SPOPL: variants seen among roughly 807,000 people sequenced by gnomAD.
SPOPL encodes speckle type BTB/POZ protein like, also known as speckle-type POZ protein-like.
SPOPL carries 23 observed loss-of-function variants against 53.8 expected under a neutral mutation model. The observed-to-expected ratio is 0.43, with a 90% CI of 0.31 to 0.61. The LOEUF (loss-of-function observed/expected upper bound fraction) is 0.61. Among genes scored for constraint, SPOPL ranks in the 20% least tolerant of loss-of-function variants. SPOPL has a pLI of 0.12. For synonymous variants in SPOPL, 164 were observed against 149.7 expected, an observed-to-expected ratio of 1.10 and a Z score of -0.70; for missense variants, 442 against 466.9, an observed-to-expected ratio of 0.95 and a Z score of 0.49.
At position 138,515,746 on chromosome 2, in the gene SPOPL, T is replaced by TA. The variant is rs565279072; in HGVS notation, c.-61+13628dup. On this transcript the variant is annotated intron_variant, in intron 1 of 10. Coordinates refer to ENST00000280098, the MANE Select transcript of SPOPL (RefSeq NM_001001664.3). ...TATTTGTTGATTTCTTCTTTTAAGA[T>TA]ATGCACATCGACTCTTAACTCCAGA... 6.6e-4 allele frequency among the ~76,000 whole-genome samples: 101 copies of TA among 152,336 alleles called. 1 individual carries two copies. Among genetic ancestry groups the TA allele is most frequent in the African/African-American group, 2.1e-3 (86 of 41,562 alleles).
At chr2:138,536,823 A>G (rs1468587446) in intron 1 of SPOPL, among the ~76,000 whole-genome samples, 1 of 152,184 alleles carries the variant, frequency 6.6e-6, no homozygotes, top group Non-Finnish European at 1.5e-5. Flanking sequence ...AGTCTGCTTT[A>G]TGGTCCACTT....
intron 1 of SPOPL, among the ~76,000 whole-genome samples, chr2:138,517,450 A>G (rs1684462381): frequency 6.6e-6 from 1 of 152,136 alleles, no homozygotes; most frequent in African/African-American, 2.4e-5. Context: ...TTTTAAGTAA[A>G]ATATTTCTTG....
chr2:138,509,855 C>T (rs550768179), intron 1 of SPOPL, among the ~76,000 whole-genome samples: 5 of 152,150 alleles, frequency 3.3e-5, no homozygotes, highest in Non-Finnish European at 7.4e-5. Flanking sequence ...TTTATGACAT[C>T]TATCTACCAT....
At chr2:138,510,523 G>A (rs1425753579) in intron 1 of SPOPL, among the ~76,000 whole-genome samples, 1 of 152,166 alleles carries the variant, frequency 6.6e-6, no homozygotes, top group Non-Finnish European at 1.5e-5. Flanking sequence ...GTGTTGAAGT[G>A]TCCAACTACA....
chr2:138,555,131 GGTGTGTGTGTGTGTGTGTGTGT>G (rs61000380), intron 5 of SPOPL, among the ~76,000 whole-genome samples: 2 of 140,090 alleles, frequency 1.4e-5, no homozygotes, highest in Non-Finnish European at 3.1e-5. Context: ...AGGGTAGGAG[GGTGTGTGTGTGTGTGTGTGTGT>G]GTGTGTGTGT....
At chr2:138,534,052 A>G (rs928449053) in intron 1 of SPOPL, among the ~76,000 whole-genome samples, 3 of 152,172 alleles carry the variant, frequency 2.0e-5, no homozygotes, top group African/African-American at 7.2e-5. Context: ...TTATTGGTCT[A>G]GAAGCTTGAT....
At chr2:138,567,998 G>A (rs1012099862) in intron 10 of SPOPL, among the ~76,000 whole-genome samples, 1 of 152,092 alleles carries the variant, frequency 6.6e-6, no homozygotes, top group Non-Finnish European at 1.5e-5. Context: ...TAGGAAGTGG[G>A]GGGTAGAGTA....
At chr2:138,567,572 G>C (rs1018965357) in intron 10 of SPOPL, among the ~76,000 whole-genome samples, 1 of 152,156 alleles carries the variant, frequency 6.6e-6, no homozygotes, top group Non-Finnish European at 1.5e-5. Context: ...TTCACCCAGA[G>C]TGGGACATGA....
intron 5 of SPOPL, among the ~76,000 whole-genome samples, chr2:138,554,745 A>G (rs545198082): frequency 6.6e-6 from 1 of 152,218 alleles, no homozygotes; most frequent in Non-Finnish European, 1.5e-5. Context: ...AATTCAACAG[A>G]TTTTAAATAC....
chr2:138,550,015 T>C (rs1317509824), intron 1 of SPOPL, 142 bp from the exon 2 acceptor site: 2 of 495,586 alleles, frequency 4.0e-6, no homozygotes, highest in Admixed American at 3.3e-5. Flanking sequence ...TTAAAATCAT[T>C]AAATTTATCT....
intron 10 of SPOPL, among the ~76,000 whole-genome samples, chr2:138,567,728 C>T (rs1230861797): frequency 6.6e-6 from 1 of 151,632 alleles, no homozygotes; most frequent in East Asian, 1.9e-4. Flanking sequence ...AAGAGATGAA[C>T]GGTGGAAATT....
At chr2:138,538,395 T>C (rs1443429416) in intron 1 of SPOPL, among the ~76,000 whole-genome samples, 1 of 152,214 alleles carries the variant, frequency 6.6e-6, no homozygotes, top group African/African-American at 2.4e-5. Context: ...ATTTGGTGTA[T>C]ATATGTTTGT....
chr2:138,550,386 T>G, intron 2 of SPOPL, 92 bp downstream of exon 2: 6 of 1,575,266 alleles, frequency 3.8e-6, no homozygotes, highest in Non-Finnish European at 5.2e-6. Context: ...CCATAGTTAT[T>G]AGAAGTGTTA....
At chr2:138,562,434 T>C (rs552409381) in intron 8 of SPOPL, among the ~76,000 whole-genome samples, 27 of 152,148 alleles carry the variant, frequency 1.8e-4, no homozygotes, top group Non-Finnish European at 3.2e-4. Context: ...GGATAATCTT[T>C]AAACAAGTGG....
In SPOPL at chr2:138,569,892, AGT is replaced by A. The variant is rs1373091031; in HGVS notation, c.*814_*815del. ...AGGATGACCAAATGCAAATTTAATGAGTGGGCCAATTAAGAAAGATACATATG... is the reference window on the plus strand; with the variant it reads ...AGGATGACCAAATGCAAATTTAATGAGGGCCAATTAAGAAAGATACATATG... On this transcript the variant is annotated 3_prime_UTR_variant, in exon 11 of 11. Coordinates refer to ENST00000280098, the MANE Select transcript of SPOPL (RefSeq NM_001001664.3). The A allele has an allele frequency of 7.2e-5, 11 of 152,582 alleles. No individual in the cohort carries two copies. The allele number at this position is 152,582 out of a possible 1,614,324, so 9.5% of individuals were successfully genotyped here.
chr2:138,547,884 A>G (rs1685232267), intron 1 of SPOPL, among the ~76,000 whole-genome samples: 1 of 152,156 alleles, frequency 6.6e-6, no homozygotes, highest in Non-Finnish European at 1.5e-5. Flanking sequence ...TTTTTTAGAT[A>G]TATAACATAT....
chr2:138,564,046 A>G (rs746344437), intron 8 of SPOPL, among the ~76,000 whole-genome samples: 13 of 152,256 alleles, frequency 8.5e-5, no homozygotes, highest in Non-Finnish European at 1.6e-4. Context: ...AAAACTCCAG[A>G]AAATGCAGAC....
chr2:138,560,762 CTTTTTT>C, intron 7 of SPOPL, 37 bp from the exon 8 acceptor site: 1 of 1,329,908 alleles, frequency 7.5e-7, no homozygotes. Context: ...TTTGTGTGTA[CTTTTTT>C]TTTTTTTAAC....
chr2:138,513,789 T>G (rs1684380552), intron 1 of SPOPL, among the ~76,000 whole-genome samples: 1 of 151,808 alleles, frequency 6.6e-6, no homozygotes, highest in African/African-American at 2.4e-5. Flanking sequence ...AACATACCTT[T>G]CTTTGTTTTG....
Sources: gnomAD v4.1 joint callset for allele counts (sites outside exome capture counted in the v4.1 genomes callset) on GRCh38, gnomAD v4.1.1 for gene constraint, MANE v1.5 for transcripts, NCBI Gene and HGNC (gene_info 2026-07-23, HGNC 2026-07-21) for gene names.